The following STAMBP variants were observed in gnomAD, a reference collection of about 807,000 sequenced individuals.
STAMBP encodes the protein STAM-binding protein.
STAMBP carries 31 observed loss-of-function variants against 50.7 expected under a neutral mutation model. The ratio of observed to expected loss-of-function variants is 0.61; its 90% CI spans 0.46 to 0.83. The LOEUF is 0.83. STAMBP is among the 40% of genes least tolerant of loss of function. The pLI, the probability that STAMBP is intolerant of heterozygous loss-of-function variation, is 0.00. For missense variants in STAMBP, 472 were observed against 518.9 expected (o/e 0.91, Z 0.88); for synonymous variants, 211 against 192.4 (o/e 1.10, Z -0.80).
At chr2:73,853,519 C>A (rs891038796) in intron 7 of STAMBP, among the ~76,000 whole-genome samples, 1 of 152,106 alleles carries the variant, frequency 6.6e-6, no homozygotes, top group East Asian at 1.9e-4. Flanking sequence ...GTCAGGAGTG[C>A]GAGACCAGCC....
intron 5 of STAMBP, 65 bp downstream of exon 5, chr2:73,847,818 G>C: frequency 1.3e-6 from 2 of 1,542,130 alleles, no homozygotes; most frequent in Non-Finnish European, 1.7e-6. Flanking sequence ...TTCTGACGGG[G>C]TCAACCTAAG....
At chr2:73,851,970 G>A (rs558697836) in intron 7 of STAMBP, among the ~76,000 whole-genome samples, 31 of 152,248 alleles carry the variant, frequency 2.0e-4, no homozygotes, top group African/African-American at 7.5e-4. Context: ...CATTGGAGCC[G>A]AGTTCTGGAG....
Position 73,866,972 on chromosome 2 carries a change from A to G in STAMBP, c.*4713A>G, listed in dbSNP as rs1678959356. On this transcript the variant is annotated 3_prime_UTR_variant, in exon 10 of 10. Transcript: ENST00000394070. ...CCATTTTAAGCACCTCTTCCCCATC[A>G]CTCTATCTCATCACTGTTACTGTCT... is the stretch of plus-strand genomic sequence containing the variant. 6.6e-6 allele frequency: 1 copy of G among 152,044 alleles called. No individual in the cohort carries two copies. Among genetic ancestry groups the G allele is most frequent in the Non-Finnish European group, 1.5e-5 (1 of 68,038 alleles). The allele number at this position is 152,044 out of a possible 1,614,324, so 9.4% of individuals were successfully genotyped here.
intron 2 of STAMBP, among the ~76,000 whole-genome samples, chr2:73,834,383 T>C (rs1338641862): frequency 4.7e-5 from 7 of 149,640 alleles, no homozygotes; most frequent in African/African-American, 1.5e-4. Context: ...CTTTATATAT[T>C]GTATGTATTA....
At chr2:73,849,723 G>A (rs1323251231) in intron 6 of STAMBP, among the ~76,000 whole-genome samples, 1 of 152,162 alleles carries the variant, frequency 6.6e-6, no homozygotes, top group Non-Finnish European at 1.5e-5. Flanking sequence ...TTGGTAGGAA[G>A]ATCCAGTCAT....
downstream of STAMBP, among the ~76,000 whole-genome samples, chr2:73,869,236 T>C (rs1395402454): frequency 6.6e-6 from 1 of 151,960 alleles, no homozygotes; most frequent in Non-Finnish European, 1.5e-5. Context: ...GTACAGGTAA[T>C]AGCCATTTGT....
chr2:73,860,253 C>A, intron 9 of STAMBP, 102 bp downstream of exon 9: 3 of 934,614 alleles, frequency 3.2e-6, no homozygotes, highest in Non-Finnish European at 3.3e-6. Context: ...AGAAGACCAG[C>A]TTTGTCACTT....
At chr2:73,835,341 G>A (rs1218565875) in intron 2 of STAMBP, among the ~76,000 whole-genome samples, 3 of 143,004 alleles carry the variant, frequency 2.1e-5, no homozygotes, top group Admixed American at 7.2e-5. Context: ...GTGATAGAGC[G>A]AGACTCGGTC....
rs552523017 is a variant in STAMBP at position 73,853,842 on chromosome 2, G to A, written c.1005+3329G>A. Among the ~76,000 whole-genome samples the A allele has an allele frequency of 1.7e-4, 26 of 152,340 alleles. No individual in the cohort carries two copies. The South Asian group carries it at 4.8e-3, about 28-fold the overall frequency. ...AGCATGCATGCCCTAAGGGAGGGAA[G>A]TCCTCCCTTCCTTGCTTCGTTTATA... On this transcript the variant is annotated intron_variant, in intron 7 of 9. Coordinates refer to ENST00000394070, the MANE Select transcript of STAMBP (RefSeq NM_213622.4).
Position 73,830,836 on chromosome 2 carries a change from C to G in STAMBP, c.-12-9C>G. On this transcript the variant is annotated splice_polypyrimidine_tract_variant and intron_variant, in intron 1 of 9. Coordinates refer to ENST00000394070, the MANE Select transcript of STAMBP (RefSeq NM_213622.4). ...ACGGTATTGATGCCATCTGTTTTTTCTGTCTCAGAACTTGGTCCTGATGTC... is the reference window on the plus strand; with the variant it reads ...ACGGTATTGATGCCATCTGTTTTTTGTGTCTCAGAACTTGGTCCTGATGTC... The G allele has an allele frequency of 6.2e-7, 1 of 1,609,354 alleles. No homozygotes were observed. Among genetic ancestry groups the G allele is most frequent in the Non-Finnish European group, 8.5e-7 (1 of 1,178,074 alleles).
chr2:73,867,872 C>A (rs1679020518), downstream of STAMBP, among the ~76,000 whole-genome samples: 2 of 151,748 alleles, frequency 1.3e-5, no homozygotes, highest in Non-Finnish European at 1.5e-5. Flanking sequence ...CGCCTGTAAT[C>A]CCAGCACTTT....
At position 73,847,755 on chromosome 2, in the gene STAMBP, T is replaced by C; in HGVS notation, c.742+2T>C. Reference sequence around the variant, plus strand: ...GAGCACTGAGCAACTCAGAAAGTAGTAAGTGCATTTGCTGATGTCCTCTTC... The same window carrying C: ...GAGCACTGAGCAACTCAGAAAGTAGCAAGTGCATTTGCTGATGTCCTCTTC... On this transcript the variant is annotated splice_donor_variant, in intron 5 of 9. Transcript: ENST00000394070. LOFTEE classifies it high-confidence loss of function. The C allele has an allele frequency of 1.2e-6, 2 of 1,611,094 alleles. No individual in the cohort carries two copies. The highest frequency in any genetic ancestry group is 1.7e-6 in the Non-Finnish European group (2 of 1,178,924).
intron 4 of STAMBP, among the ~76,000 whole-genome samples, chr2:73,845,712 A>G (rs1573315631): frequency 6.6e-6 from 1 of 151,318 alleles, no homozygotes; most frequent in South Asian, 2.1e-4. Context: ...GCTCACTGCA[A>G]CCTCTGCCTC....
chr2:73,854,127 G>A (rs115778777), intron 7 of STAMBP, among the ~76,000 whole-genome samples: 3,036 of 152,226 alleles, frequency 0.02, 101 homozygotes, highest in African/African-American at 0.067. Context: ...GTACATAGAG[G>A]GATTCATCTT....
At chr2:73,845,582 T>C (rs141960408) in intron 4 of STAMBP, among the ~76,000 whole-genome samples, 2 of 152,164 alleles carry the variant, frequency 1.3e-5, no homozygotes, top group African/African-American at 2.4e-5. Flanking sequence ...GAGGGTTGGA[T>C]TCACATTTGG....
chr2:73,847,288 A>G, intron 4 of STAMBP, 99 bp from the exon 5 acceptor site: 1 of 1,428,994 alleles, frequency 7.0e-7, no homozygotes, highest in Non-Finnish European at 9.5e-7. Flanking sequence ...GCCACAGCAG[A>G]AGTACATTTT....
chr2:73,867,505 T>C (rs915996391), downstream of STAMBP, among the ~76,000 whole-genome samples: 5 of 151,982 alleles, frequency 3.3e-5, no homozygotes, highest in Non-Finnish European at 5.9e-5. Context: ...GATCACGCCA[T>C]TGCACTCCAG....
rs1273885840 is a variant in STAMBP at position 73,829,352 on chromosome 2, C to T, written c.-171C>T. ...GCTCATTCCTGCTACTTCCTTTCTC[C>T]TCCTCGTATTTCCCCCTCGGTCCTT... On this transcript the variant is annotated 5_prime_UTR_variant, in exon 1 of 10. Transcript: ENST00000394070. 2 of 152,262 alleles carry T rather than the reference C, an allele frequency of 1.3e-5. No homozygotes were observed. Among genetic ancestry groups the T allele is most frequent in the African/African-American group, 2.4e-5 (1 of 41,430 alleles). 9.4% of individuals were successfully genotyped at this position (152,262 alleles called of 1,614,324 possible).
At position 73,860,073 on chromosome 2, in the gene STAMBP, T is replaced by G. The variant is rs759936278; in HGVS notation, c.1140T>G (p.Thr380=). ...KFQETGFFKL[T]DHGLEEISSC... is the part of the protein sequence containing the mutation. ...TCAGAACTGGATTCTTTAAACTAAC[T>G]GACCATGGACTAGAGGAGATTTCTT... is the stretch of plus-strand genomic sequence containing the variant. The change falls in exon 9 of 10, where the codon ACT becomes ACG. Residue 380 remains threonine, a synonymous_variant. Transcript: ENST00000394070. The G allele has an allele frequency of 5.6e-6, 9 of 1,613,872 alleles. No individual in the cohort carries two copies. The highest frequency in any genetic ancestry group is 6.8e-6 in the Non-Finnish European group (8 of 1,179,980).
Sources: allele counts gnomAD v4.1 joint callset (sites outside exome capture counted in the v4.1 genomes callset), GRCh38; gene constraint gnomAD v4.1.1; transcripts MANE v1.5; gene names NCBI Gene and HGNC (gene_info 2026-07-23, HGNC 2026-07-21).